The following HSDL2 variants were observed in gnomAD, a reference collection of about 807,000 sequenced individuals.
HSDL2 encodes the protein hydroxysteroid dehydrogenase like 2.
In HSDL2, 27 loss-of-function variants were observed where a neutral mutation model predicts 46.3. The observed-to-expected ratio is 0.58, with a 90% CI of 0.43 to 0.80. The LOEUF is 0.80. Ranked by LOEUF, HSDL2 falls within the 30% of genes least tolerant of loss-of-function variation. The pLI is 0.00. For missense variants in HSDL2, 451 were observed against 502.7 expected, an observed-to-expected ratio of 0.90 and a Z score of 0.98; for synonymous variants, 153 against 163.6, an observed-to-expected ratio of 0.94 and a Z score of 0.50.
Position 112,392,501 on chromosome 9 carries a change from C to T in HSDL2, c.18-11494C>T, listed in dbSNP as rs187357632. On this transcript the variant is annotated intron_variant, in intron 1 of 10. Coordinates refer to ENST00000398805, the MANE Select transcript of HSDL2 (RefSeq NM_032303.5). ...ATAAGACAGACATTCCCAGAGTGGC[C>T]GTTGATAGACCTGCCCCCAGGAATG... Among the ~76,000 whole-genome samples the T allele has an allele frequency of 4.6e-5, 7 of 152,190 alleles. No individual in the cohort carries two copies. The East Asian group carries it at 7.7e-4, about 17-fold the overall frequency.
At chr9:112,424,111 G>A (rs1832193087) in intron 6 of HSDL2, among the ~76,000 whole-genome samples, 1 of 151,220 alleles carries the variant, frequency 6.6e-6, no homozygotes, top group Non-Finnish European at 1.5e-5. Context: ...ACGAGGTCAG[G>A]AGATTGAGAC....
chr9:112,448,492 ATTCTTTCTTTCACCTCT>A (rs1832796479), intron 8 of HSDL2, among the ~76,000 whole-genome samples: 2 of 151,552 alleles, frequency 1.3e-5, no homozygotes, highest in African/African-American at 4.8e-5. Context: ...TACTTTTTCT[ATTCTTTCTTTCACCTCT>A]TTCTTTCTTT....
intron 6 of HSDL2, among the ~76,000 whole-genome samples, chr9:112,421,509 T>C (rs1180273107): frequency 1.3e-5 from 2 of 152,334 alleles, no homozygotes; most frequent in South Asian, 2.1e-4. Flanking sequence ...AAATGCATGA[T>C]ATTTTTGGAT....
At chr9:112,402,178 C>T (rs887076866) in intron 1 of HSDL2, among the ~76,000 whole-genome samples, 5 of 152,094 alleles carry the variant, frequency 3.3e-5, no homozygotes, top group East Asian at 1.9e-4. Flanking sequence ...AATAAGAAAG[C>T]GGGTTTCCCT....
intron 1 of HSDL2, among the ~76,000 whole-genome samples, chr9:112,390,912 A>T (rs1182651473): frequency 6.6e-6 from 1 of 152,158 alleles, no homozygotes; most frequent in Non-Finnish European, 1.5e-5. Context: ...GCAGTGACTC[A>T]TGTCTGTAAT....
chr9:112,402,403 T>A (rs981478943), intron 1 of HSDL2, among the ~76,000 whole-genome samples: 2 of 151,912 alleles, frequency 1.3e-5, no homozygotes. Context: ...CAAACAATTT[T>A]AAAAAGTAAC....
intron 10 of HSDL2, among the ~76,000 whole-genome samples, chr9:112,464,215 CACACACACAG>C (rs1212420962): frequency 0.044 from 40 of 906 alleles, no homozygotes; most frequent in African/African-American, 0.2. Context: ...CACACACAGA[CACACACACAG>C]ACACACACAC....
At chr9:112,390,592 A>G (rs1484828720) in intron 1 of HSDL2, among the ~76,000 whole-genome samples, 3 of 152,030 alleles carry the variant, frequency 2.0e-5, no homozygotes, top group Non-Finnish European at 1.5e-5. Flanking sequence ...AGTTGGGACT[A>G]CAGGTGCACA....
At chr9:112,385,593 A>G (rs1303255060) in intron 1 of HSDL2, among the ~76,000 whole-genome samples, 1 of 22,750 alleles carries the variant, frequency 4.4e-5, no homozygotes, top group Non-Finnish European at 1.1e-4. Flanking sequence ...GGGTTCAAGC[A>G]ATTCTGCTTC....
chr9:112,386,499 G>A (rs1361642935), intron 1 of HSDL2, among the ~76,000 whole-genome samples: 1 of 151,850 alleles, frequency 6.6e-6, no homozygotes, highest in African/African-American at 2.4e-5. Context: ...AAATAATTTT[G>A]AGCTTGGCAT....
chr9:112,460,354 C>T (rs1453773713), intron 10 of HSDL2, among the ~76,000 whole-genome samples: 1 of 152,168 alleles, frequency 6.6e-6, no homozygotes, highest in Non-Finnish European at 1.5e-5. Flanking sequence ...ATGCTAATTG[C>T]CTGCATTCCA....
At chr9:112,418,098 GATA>G in intron 5 of HSDL2, among the ~76,000 whole-genome samples, 1 of 152,028 alleles carries the variant, frequency 6.6e-6, no homozygotes, top group South Asian at 2.1e-4. Flanking sequence ...CATATTAAGA[GATA>G]ATAATGTAAT....
chr9:112,466,647 C>T (rs1219190945), intron 10 of HSDL2, among the ~76,000 whole-genome samples: 2 of 150,560 alleles, frequency 1.3e-5, no homozygotes, highest in Non-Finnish European at 3.0e-5. Flanking sequence ...GTTGTTTTTT[C>T]ACTTTCTTGA....
intron 6 of HSDL2, among the ~76,000 whole-genome samples, chr9:112,432,262 C>T (rs1268429826): frequency 2.0e-5 from 3 of 152,178 alleles, no homozygotes; most frequent in Admixed American, 2.0e-4. Context: ...ATAGTTCTTA[C>T]AAAATGGGAC....
At position 112,471,154 on chromosome 9, in the gene HSDL2, T is replaced by A. The variant is rs1833566363; in HGVS notation, c.*610T>A. 6.6e-6 allele frequency: 1 copy of A among 152,250 alleles called. No homozygotes were observed. The highest frequency in any genetic ancestry group is 1.5e-5 in the Non-Finnish European group (1 of 68,050). 9.4% of individuals were successfully genotyped at this position (152,250 alleles called of 1,614,324 possible). A position where few individuals can be genotyped will look rare whatever the true frequency, so the allele number is the denominator to read the frequency against. Reference sequence around the variant, plus strand: ...AACAAATTGCTGCATGTATTCCATTTAAAAATATGTTTAAATTGTCCTAAA... The same window carrying A: ...AACAAATTGCTGCATGTATTCCATTAAAAAATATGTTTAAATTGTCCTAAA... On this transcript the variant is annotated 3_prime_UTR_variant, in exon 11 of 11. Coordinates refer to ENST00000398805, the MANE Select transcript of HSDL2 (RefSeq NM_032303.5).
Position 112,406,175 on chromosome 9 carries a change from A to G in HSDL2, c.280+453A>G, listed in dbSNP as rs182911336. 7.1e-3 allele frequency among the ~76,000 whole-genome samples: 1,081 copies of G among 152,050 alleles called. 14 individuals carry two copies. The highest frequency in any genetic ancestry group is 0.025 in the African/African-American group (1,029 of 41,496). ...GACTCTGTCTCAAAAAGAAAAAAAA[A>G]AAAAAGAAAAAGAGTGTGGAATGAT... On this transcript the variant is annotated intron_variant, in intron 3 of 10. Transcript: ENST00000398805.
intron 6 of HSDL2, among the ~76,000 whole-genome samples, chr9:112,430,703 C>A (rs1832368155): frequency 6.6e-6 from 1 of 152,112 alleles, no homozygotes; most frequent in African/African-American, 2.4e-5. Context: ...CCAACAGTAT[C>A]TGCTGATGGA....
At chr9:112,440,850 A>T (rs1832622831) in intron 7 of HSDL2, among the ~76,000 whole-genome samples, 1 of 152,044 alleles carries the variant, frequency 6.6e-6, no homozygotes, top group Admixed American at 6.5e-5. Context: ...TCTACTAAAA[A>T]TATGAAAAGT....
At chr9:112,400,267 T>A (rs1831558598) in intron 1 of HSDL2, among the ~76,000 whole-genome samples, 1 of 152,126 alleles carries the variant, frequency 6.6e-6, no homozygotes, top group Non-Finnish European at 1.5e-5. Context: ...GGGGAGGTGG[T>A]GGAGCTACGG....
Sources: allele counts gnomAD v4.1 joint callset (sites outside exome capture counted in the v4.1 genomes callset), GRCh38; gene constraint gnomAD v4.1.1; transcripts MANE v1.5; gene names NCBI Gene and HGNC (gene_info 2026-07-23, HGNC 2026-07-21).